NRXN1: variants seen among roughly 807,000 people sequenced by gnomAD.
The protein encoded by NRXN1 is neurexin-1.
A neutral mutation model predicts 150.9 loss-of-function variants in NRXN1; 39 were observed. That is an observed-to-expected ratio of 0.26 (90% confidence interval 0.20 to 0.34). The LOEUF is 0.34. NRXN1 is among the 10% of genes least tolerant of loss of function. The probability of loss-of-function intolerance (pLI) is 1.00; values close to 1 mark genes in which losing one functional copy is unlikely to be tolerated. For synonymous variants in NRXN1, 924 were observed against 757.0 expected, an observed-to-expected ratio of 1.22 and a Z score of -3.62; for missense variants, 1,815 against 1,949.9, an observed-to-expected ratio of 0.93 and a Z score of 1.30.
At chr2:50,498,994 T>C (rs1188290735) in intron 13 of NRXN1, among the ~76,000 whole-genome samples, 4 of 152,232 alleles carry the variant, frequency 2.6e-5, no homozygotes, top group Non-Finnish European at 5.9e-5. Context: ...ATTGAACCTT[T>C]TCCCCAGGGG....
rs1406900566 is a variant in NRXN1, at chr2:50,537,953, G to C, written c.2143+300C>G. Reference sequence around the variant, plus strand: ...TCTAATGTTCTGAAGTTAAAAACTGGGCAAAAAAGACAGCAGTTACTGTCT... The same window carrying C: ...TCTAATGTTCTGAAGTTAAAAACTGCGCAAAAAAGACAGCAGTTACTGTCT... On this transcript the variant is annotated intron_variant, in intron 10 of 22. Coordinates refer to ENST00000401669, the MANE Select transcript of NRXN1 (RefSeq NM_001330078.2). Among the ~76,000 whole-genome samples, 3 of 151,920 alleles carry C rather than the reference G, an allele frequency of 2.0e-5. No individual in the cohort carries two copies. The East Asian group carries it at 5.8e-4, about 29-fold the overall frequency.
At chr2:50,494,069 C>A (rs1348790229) in intron 15 of NRXN1, among the ~76,000 whole-genome samples, 1 of 152,166 alleles carries the variant, frequency 6.6e-6, no homozygotes, top group East Asian at 1.9e-4. Context: ...TCTCCTATTA[C>A]CTTCACTTCC....
intron 5 of NRXN1, among the ~76,000 whole-genome samples, chr2:50,859,825 C>T (rs539051982): frequency 1.1e-4 from 13 of 116,544 alleles, no homozygotes; most frequent in Non-Finnish European, 2.3e-4. Flanking sequence ...TATATACACA[C>T]ACACAATTAT....
chr2:51,012,132 T>G (rs1434347115), intron 2 of NRXN1, among the ~76,000 whole-genome samples: 2 of 152,020 alleles, frequency 1.3e-5, no homozygotes, highest in Non-Finnish European at 2.9e-5. Context: ...CAAAACGTTG[T>G]TTCACCAAAA....
intron 5 of NRXN1, among the ~76,000 whole-genome samples, chr2:50,648,607 C>T (rs912967636): frequency 6.6e-6 from 1 of 151,916 alleles, no homozygotes; most frequent in Non-Finnish European, 1.5e-5. Context: ...CCAGACATAC[C>T]AGAAAAATAT....
In NRXN1 at chr2:50,664,983, C is replaced by A. The variant is rs116212215; in HGVS notation, c.833-41368G>T. Among the ~76,000 whole-genome samples, 998 of 152,006 alleles carry A rather than the reference C, an allele frequency of 6.6e-3. 11 individuals are homozygous for A. The highest frequency in any genetic ancestry group is 0.023 in the African/African-American group (953 of 41,494). ...TGCTTTCAGAAGAGAAAAAACAAATCATGTTAAACTTTACAGTATCAAATG... is the reference window on the plus strand; with the variant it reads ...TGCTTTCAGAAGAGAAAAAACAAATAATGTTAAACTTTACAGTATCAAATG... On this transcript the variant is annotated intron_variant, in intron 5 of 22. Coordinates refer to ENST00000401669, the MANE Select transcript of NRXN1 (RefSeq NM_001330078.2).
chr2:50,367,611 C>T (rs2079681964), intron 17 of NRXN1, among the ~76,000 whole-genome samples: 1 of 152,002 alleles, frequency 6.6e-6, no homozygotes, highest in African/African-American at 2.4e-5. Context: ...TCATCCTGAG[C>T]TGGGCAGATC....
chr2:50,315,110 C>T (rs186826193), intron 17 of NRXN1, among the ~76,000 whole-genome samples: 302 of 152,062 alleles, frequency 2.0e-3, no homozygotes, highest in African/African-American at 6.9e-3. Context: ...AAAGCCATAA[C>T]GACCACAATA....
intron 5 of NRXN1, among the ~76,000 whole-genome samples, chr2:50,644,455 G>T (rs1684508611): frequency 6.6e-6 from 1 of 151,678 alleles, no homozygotes; most frequent in African/African-American, 2.4e-5. Flanking sequence ...AAAAGCAAAA[G>T]AAATAAATAC....
At chr2:50,395,514 G>T (rs1450131580) in intron 17 of NRXN1, among the ~76,000 whole-genome samples, 1 of 151,892 alleles carries the variant, frequency 6.6e-6, no homozygotes, top group African/African-American at 2.4e-5. Flanking sequence ...ATCAAAGCAG[G>T]TCCTTTATAT....
chr2:50,137,849 C>A (rs146468112), intron 18 of NRXN1, among the ~76,000 whole-genome samples: 41 of 152,280 alleles, frequency 2.7e-4, no homozygotes, highest in African/African-American at 9.9e-4. Flanking sequence ...TTGTTTATAG[C>A]TTTCATGTAA....
At chr2:50,915,787 C>G (rs1685136149) in intron 5 of NRXN1, among the ~76,000 whole-genome samples, 1 of 150,936 alleles carries the variant, frequency 6.6e-6, no homozygotes, top group Non-Finnish European at 1.5e-5. Flanking sequence ...TCCTTATTGT[C>G]ACCATTAATA....
At chr2:50,498,062 G>A (rs2091744182) in intron 13 of NRXN1, among the ~76,000 whole-genome samples, 1 of 152,188 alleles carries the variant, frequency 6.6e-6, no homozygotes, top group East Asian at 1.9e-4. Context: ...AAGGGAGAGT[G>A]CACAGAGAGA....
intron 2 of NRXN1, chr2:51,026,233 CCT>C: frequency 1.5e-6 from 1 of 650,130 alleles, no homozygotes; most frequent in South Asian, 1.8e-5. Flanking sequence ...TAATAATTCA[CCT>C]TTTTTCACCC....
At chr2:50,274,844 CTACA>C (rs1196657335) in intron 17 of NRXN1, among the ~76,000 whole-genome samples, 10 of 152,044 alleles carry the variant, frequency 6.6e-5, no homozygotes, top group African/African-American at 2.4e-4. Flanking sequence ...GTCTCGAAGC[CTACA>C]ATCTGTAGGC....
intron 2 of NRXN1, among the ~76,000 whole-genome samples, chr2:50,990,339 A>G (rs1027373981): frequency 2.6e-5 from 4 of 152,068 alleles, no homozygotes; most frequent in Admixed American, 6.6e-5. Context: ...TTAAATTACT[A>G]CTTCACATTA....
chr2:50,666,710 G>C (rs1416238898), intron 5 of NRXN1, among the ~76,000 whole-genome samples: 2 of 151,742 alleles, frequency 1.3e-5, no homozygotes, highest in Non-Finnish European at 2.9e-5. Context: ...AGATTATGCA[G>C]GTAAAAAAAT....
At chr2:50,294,776 T>C (rs2073366626) in intron 17 of NRXN1, among the ~76,000 whole-genome samples, 1 of 152,220 alleles carries the variant, frequency 6.6e-6, no homozygotes, top group African/African-American at 2.4e-5. Context: ...AGGTGCATCA[T>C]CACTCATCAC....
At chr2:50,388,832 G>T (rs539346718) in intron 17 of NRXN1, among the ~76,000 whole-genome samples, 1 of 151,854 alleles carries the variant, frequency 6.6e-6, no homozygotes, top group Non-Finnish European at 1.5e-5. Flanking sequence ...ACTAAATAAA[G>T]GTTCTCTGAT....
Sources: allele counts gnomAD v4.1 joint callset (sites outside exome capture counted in the v4.1 genomes callset), GRCh38; gene constraint gnomAD v4.1.1; transcripts MANE v1.5; gene names NCBI Gene and HGNC (gene_info 2026-07-23, HGNC 2026-07-21).